The following HDLBP variants were observed in gnomAD, a reference collection of about 807,000 sequenced individuals.
HDLBP encodes high density lipoprotein binding protein, also known as vigilin.
HDLBP carries 30 observed loss-of-function variants against 137.3 expected under a neutral mutation model. The observed-to-expected ratio is 0.22, with a 90% CI of 0.16 to 0.30. HDLBP has a LOEUF of 0.30. Among genes scored for constraint, HDLBP ranks in the 10% least tolerant of loss-of-function variants. The probability of loss-of-function intolerance (pLI) is 1.00; values close to 1 mark genes in which losing one functional copy is unlikely to be tolerated. For missense variants in HDLBP, 1,119 were observed against 1,667.3 expected (o/e 0.67, Z 5.73); for synonymous variants, 606 against 596.0 (o/e 1.02, Z -0.24).
intron 1 of HDLBP, among the ~76,000 whole-genome samples, chr2:241,308,954 C>T (rs1237185700): frequency 6.6e-6 from 1 of 152,186 alleles, no homozygotes; most frequent in Non-Finnish European, 1.5e-5. Flanking sequence ...CCCTCTGGTC[C>T]TGCTCCACAC....
chr2:241,297,574 G>A (rs913739432), intron 1 of HDLBP, among the ~76,000 whole-genome samples: 1 of 152,132 alleles, frequency 6.6e-6, no homozygotes. Context: ...GAGGGCCTGG[G>A]TATAGTAACA....
chr2:241,246,959 G>A, intron 15 of HDLBP, 76 bp from the exon 16 acceptor site: 1 of 1,583,814 alleles, frequency 6.3e-7, no homozygotes, highest in Non-Finnish European at 8.7e-7. Context: ...CACAGGGCTA[G>A]AAGTAAGGAA....
At chr2:241,254,770 A>G (rs1163564712) in intron 9 of HDLBP, among the ~76,000 whole-genome samples, 2 of 152,246 alleles carry the variant, frequency 1.3e-5, no homozygotes, top group South Asian at 2.1e-4. Flanking sequence ...ATTTCACCAT[A>G]ATTACTAAAT....
chr2:241,278,334 A>G (rs1158270961), intron 1 of HDLBP, among the ~76,000 whole-genome samples: 1 of 152,246 alleles, frequency 6.6e-6, no homozygotes, highest in African/African-American at 2.4e-5. Context: ...CTGTAATCCC[A>G]GCACTTTGGG....
chr2:241,264,298 C>T (rs1218227119), intron 4 of HDLBP, 150 bp downstream of exon 4: 6 of 468,716 alleles, frequency 1.3e-5, no homozygotes, highest in African/African-American at 1.0e-4. Flanking sequence ...GGAGGCGGAG[C>T]GTGCAGTGAG....
intron 16 of HDLBP, among the ~76,000 whole-genome samples, chr2:241,243,313 C>T (rs941171056): frequency 3.9e-5 from 6 of 152,174 alleles, no homozygotes; most frequent in Non-Finnish European, 2.9e-5. Flanking sequence ...TACTGATACG[C>T]GTGAAGAAAT....
rs369291326 is a variant in HDLBP at position 241,240,305 on chromosome 2, C to A, written c.2170-183G>T. 3.1e-6 allele frequency: 2 copies of A among 643,980 alleles called. No individual in the cohort carries two copies. Among genetic ancestry groups the A allele is most frequent in the African/African-American group, 1.8e-5 (1 of 55,694 alleles). 39.9% of individuals were successfully genotyped at this position (643,980 alleles called of 1,614,324 possible). A position where few individuals can be genotyped will look rare whatever the true frequency, so the allele number is the denominator to read the frequency against. Reference sequence around the variant, plus strand: ...CTCACTGAATAAACAGATGAATACCCAGACTGCACACCTACTTCTCTTCCA... The same window carrying A: ...CTCACTGAATAAACAGATGAATACCAAGACTGCACACCTACTTCTCTTCCA... On this transcript the variant is annotated intron_variant, in intron 17 of 27. Coordinates refer to ENST00000310931, the MANE Select transcript of HDLBP (RefSeq NM_005336.6). The surrounding 1 kb of genome is among the most constrained non-coding windows in gnomAD (Gnocchi z 5.5).
chr2:241,307,997 G>C (rs2075635840), intron 1 of HDLBP, among the ~76,000 whole-genome samples: 1 of 152,014 alleles, frequency 6.6e-6, no homozygotes, highest in Non-Finnish European at 1.5e-5. Flanking sequence ...GCAATGCATT[G>C]ATAGATATTG....
intron 1 of HDLBP, among the ~76,000 whole-genome samples, chr2:241,299,712 G>A (rs931713475): frequency 2.0e-5 from 3 of 151,952 alleles, no homozygotes; most frequent in Admixed American, 6.6e-5. Flanking sequence ...TCAGGAGATC[G>A]AGATCATCCT....
rs1453557924 is a variant in HDLBP at position 241,272,222 on chromosome 2, G to C, written c.-102-3681C>G. On this transcript the variant is annotated intron_variant, in intron 1 of 27. Coordinates refer to ENST00000310931, the MANE Select transcript of HDLBP (RefSeq NM_005336.6). The surrounding 1 kb of genome is among the most constrained non-coding windows in gnomAD (Gnocchi z 5.6). ...AGGTGCTGCGGGGGCCCCGCCGCCCGGTCTGCGCCCAGACCCCCGCCCCGC... is the reference window on the plus strand; with the variant it reads ...AGGTGCTGCGGGGGCCCCGCCGCCCCGTCTGCGCCCAGACCCCCGCCCCGC... 1.1e-5 allele frequency: 11 copies of C among 979,398 alleles called. No homozygotes were observed. The highest frequency in any genetic ancestry group is 1.8e-5 in the African/African-American group (1 of 56,986). 60.7% of individuals were successfully genotyped at this position (979,398 alleles called of 1,614,324 possible).
chr2:241,234,041 C>T lies in HDLBP; in HGVS notation c.3145-78G>A, dbSNP rs2070106756. 9 of 1,524,846 alleles carry T rather than the reference C, an allele frequency of 5.9e-6. No individual in the cohort carries two copies. The Admixed American group carries it at 1.0e-4, about 17-fold the overall frequency. 94.5% of individuals were successfully genotyped at this position (1,524,846 alleles called of 1,614,324 possible). Reference sequence around the variant, plus strand: ...GACTCCATTCCCCTTCCACCCTGGTCATAGGACACTGGAGATGCTGCAGTG... The same window carrying T: ...GACTCCATTCCCCTTCCACCCTGGTTATAGGACACTGGAGATGCTGCAGTG... On this transcript the variant is annotated intron_variant, in intron 23 of 27. Coordinates refer to ENST00000310931, the MANE Select transcript of HDLBP (RefSeq NM_005336.6).
intron 1 of HDLBP, among the ~76,000 whole-genome samples, chr2:241,285,788 G>A (rs1222672754): frequency 6.6e-6 from 1 of 152,164 alleles, no homozygotes; most frequent in African/African-American, 2.4e-5. Context: ...TAGCACTTTG[G>A]GAGGCCAAGG....
In HDLBP at chr2:241,236,700, C is replaced by A; in HGVS notation, c.2819G>T (p.Cys940Phe). 1 of 1,614,146 alleles carries A rather than the reference C, an allele frequency of 6.2e-7. No homozygotes were observed. The highest frequency in any genetic ancestry group is 8.5e-7 in the Non-Finnish European group (1 of 1,180,002). ...ACACCTCCTTGGAGAGCCGGGGTCA[C>A]AATCTTTAGCCTCTCTCCCCTCCCC... ...EAGEGREAKD[C>F]DPGSPRRCDI... The change falls in exon 21 of 28, where the codon TGT (cysteine) becomes TTT (phenylalanine). Residue 940 changes from cysteine to phenylalanine, a missense_variant. Cys to Phe is a radical substitution (Grantham distance 205). Coordinates refer to ENST00000310931, the MANE Select transcript of HDLBP (RefSeq NM_005336.6).
rs141560614 is a variant in HDLBP, at chr2:241,262,840, G to A, written c.321C>T (p.Ile107=). Residue 107 remains isoleucine, a synonymous_variant, in exon 5 of 28, where the codon ATC becomes ATT. Transcript: ENST00000310931. The part of the protein sequence containing the change: ...EGEQAKICLE[I]MQRTGAHLEL... ...CCAAGTGAGCACCAGTTCTCTGCAT[G>A]ATCTCAAGGCAGATTTTTGCTTGTT... is the stretch of plus-strand genomic sequence containing the variant. 9.3e-6 allele frequency: 15 copies of A among 1,613,960 alleles called. No homozygotes were observed. Among genetic ancestry groups the A allele is most frequent in the Non-Finnish European group, 1.3e-5 (15 of 1,179,932 alleles).
At chr2:241,292,465 A>C (rs1318763493) in intron 1 of HDLBP, among the ~76,000 whole-genome samples, 1 of 152,258 alleles carries the variant, frequency 6.6e-6, no homozygotes, top group East Asian at 1.9e-4. Flanking sequence ...TTGGATTTCA[A>C]TTCAAGCAAA....
intron 16 of HDLBP, 76 bp from the exon 17 acceptor site, chr2:241,242,754 A>G: frequency 7.9e-7 from 1 of 1,264,742 alleles, no homozygotes; most frequent in East Asian, 2.5e-5. Context: ...ATAAACTATC[A>G]TCTTTGGTGG....
chr2:241,282,790 A>G (rs1006661428), intron 1 of HDLBP, among the ~76,000 whole-genome samples: 1 of 152,178 alleles, frequency 6.6e-6, no homozygotes, highest in African/African-American at 2.4e-5. Flanking sequence ...TGACTGCTCC[A>G]ACTGGCCACT....
intron 1 of HDLBP, among the ~76,000 whole-genome samples, chr2:241,309,293 G>C (rs1469388603): frequency 6.6e-6 from 1 of 152,172 alleles, no homozygotes; most frequent in Admixed American, 6.5e-5. Flanking sequence ...AAGTGCAGGA[G>C]AACACACTTG....
chr2:241,237,410 A>G (rs940027483), intron 20 of HDLBP, among the ~76,000 whole-genome samples: 10 of 152,194 alleles, frequency 6.6e-5, no homozygotes, highest in East Asian at 5.8e-4. Flanking sequence ...CACCACAACA[A>G]TAAGTGTCAC....
Sources: gnomAD v4.1 joint callset for allele counts (sites outside exome capture counted in the v4.1 genomes callset) on GRCh38, gnomAD v4.1.1 for gene constraint, Gnocchi (gnomAD v3.1) non-coding constraint, MANE v1.5 for transcripts, NCBI Gene and HGNC (gene_info 2026-07-23, HGNC 2026-07-21) for gene names.